The following TMIGD2 variants were observed in gnomAD, a reference collection of about 807,000 sequenced individuals.
TMIGD2 encodes the protein transmembrane and immunoglobulin domain-containing protein 2.
TMIGD2 carries 18 observed loss-of-function variants against 22.6 expected under a neutral mutation model. The observed-to-expected ratio is 0.80, with a 90% CI of 0.55 to 1.18. The LOEUF (loss-of-function observed/expected upper bound fraction) is 1.18, where lower values mean the gene tolerates loss of function less well. TMIGD2 is among the 50% of genes most tolerant of loss of function. TMIGD2 has a pLI of 0.00. For synonymous variants in TMIGD2, 184 were observed against 154.1 expected, an observed-to-expected ratio of 1.19 and a Z score of -1.44; for missense variants, 361 against 378.2, an observed-to-expected ratio of 0.95 and a Z score of 0.38.
intron 1 of TMIGD2, 139 bp from the exon 2 acceptor site, chr19:4,298,484 C>G (rs1971494087): frequency 1.5e-6 from 2 of 1,323,178 alleles, no homozygotes; most frequent in Non-Finnish European, 9.9e-7. Context: ...CGCCTGTAGT[C>G]CCAGCACTTT....
Position 4,294,624 on chromosome 19 carries a change from CCCACACGATCGCAG to C in TMIGD2, c.491_504del (p.Ala164GlyfsTer17). On this transcript the variant is annotated frameshift_variant, in exon 4 of 5. Coordinates refer to ENST00000301272, the Ensembl canonical transcript of TMIGD2. LOFTEE classifies it high-confidence loss of function. ...CTGCGGCGGCCCCAGAACCAGGCAC[CCCACACGATCGCAG>C]CCACACCCATGCTTCCCACCCCCAG... 1 of 1,609,430 alleles carries C rather than the reference CCCACACGATCGCAG, an allele frequency of 6.2e-7. No homozygotes were observed. The highest frequency in any genetic ancestry group is 2.2e-5 in the East Asian group (1 of 44,464).
chr19:4,292,945 A>T, intron 4 of TMIGD2, 60 bp from the exon 5 acceptor site: 3 of 1,572,850 alleles, frequency 1.9e-6, no homozygotes, highest in Non-Finnish European at 2.6e-6. Context: ...TCTCCAGCTG[A>T]CCTCTGGGGG....
exon 4 of TMIGD2, chr19:4,294,639 C>T (rs758822262): frequency 1.2e-6 from 2 of 1,605,608 alleles, no homozygotes; most frequent in Non-Finnish European, 1.7e-6. Flanking sequence ...ACGATCGCAG[C>T]CACACCCATG....
intron 4 of TMIGD2, among the ~76,000 whole-genome samples, chr19:4,293,835 C>T (rs1971420396): frequency 6.6e-6 from 1 of 152,014 alleles, no homozygotes; most frequent in South Asian, 2.1e-4. Flanking sequence ...AGTCTGGGCT[C>T]ACTGCAATCT....
intron 2 of TMIGD2, among the ~76,000 whole-genome samples, chr19:4,296,305 A>G (rs1049273492): frequency 6.6e-6 from 1 of 152,220 alleles, no homozygotes; most frequent in African/African-American, 2.4e-5. Flanking sequence ...AGCAGAGGGA[A>G]CTGGCACAGA....
At chr19:4,300,578 A>G (rs531019375) in intron 1 of TMIGD2, among the ~76,000 whole-genome samples, 1 of 152,244 alleles carries the variant, frequency 6.6e-6, no homozygotes, top group South Asian at 2.1e-4. Context: ...AAAACAAAAC[A>G]TTCCTGGGCT....
At chr19:4,298,640 G>A (rs1971496090) in intron 1 of TMIGD2, among the ~76,000 whole-genome samples, 1 of 152,014 alleles carries the variant, frequency 6.6e-6, no homozygotes, top group Non-Finnish European at 1.5e-5. Context: ...AAGAGACTAA[G>A]TGAAGGGATC....
exon 2 of TMIGD2, chr19:4,298,207 T>C: frequency 2.5e-6 from 4 of 1,613,192 alleles, no homozygotes; most frequent in Non-Finnish European, 3.4e-6. Context: ...GATGGCCCCA[T>C]CCTTTGTCCA....
intron 2 of TMIGD2, among the ~76,000 whole-genome samples, chr19:4,295,770 T>C (rs988867243): frequency 2.0e-5 from 3 of 152,034 alleles, no homozygotes; most frequent in Non-Finnish European, 4.4e-5. Flanking sequence ...TCAGAGAGCC[T>C]AAGTCACTTG....
intron 1 of TMIGD2, 83 bp downstream of exon 1, chr19:4,302,257 A>G: frequency 1.4e-6 from 2 of 1,426,996 alleles, no homozygotes; most frequent in Non-Finnish European, 1.9e-6. Flanking sequence ...ACTGAAGTTT[A>G]GAGGGGCCCT....
At chr19:4,292,932 C>T in intron 4 of TMIGD2, 47 bp from the exon 5 acceptor site, 10 of 1,601,484 alleles carry the variant, frequency 6.2e-6, no homozygotes, top group Non-Finnish European at 8.5e-6. Flanking sequence ...GAGAGTCCTG[C>T]CCTCTCCAGC....
At chr19:4,293,561 ATT>A (rs548398108) in intron 4 of TMIGD2, among the ~76,000 whole-genome samples, 3 of 142,074 alleles carry the variant, frequency 2.1e-5, no homozygotes, top group African/African-American at 2.6e-5. Flanking sequence ...CACCCGGCCA[ATT>A]TTTTTTTTTT....
At chr19:4,292,306 G>A in exon 5 of TMIGD2, 1 of 389,048 alleles carries the variant, frequency 2.6e-6, no homozygotes, top group Non-Finnish European at 4.7e-6. Flanking sequence ...AATGAGGACG[G>A]GGTCTCAGGA....
At chr19:4,297,836 G>T (rs112566570) in intron 2 of TMIGD2, 150 bp downstream of exon 2, 1 of 1,147,142 alleles carries the variant, frequency 8.7e-7, no homozygotes, top group Non-Finnish European at 1.2e-6. Context: ...AGGCCTGGAC[G>T]ACAGAGCAAG....
intron 1 of TMIGD2, among the ~76,000 whole-genome samples, chr19:4,300,032 G>A (rs187871460): frequency 1.1e-3 from 165 of 150,692 alleles, no homozygotes; most frequent in African/African-American, 3.8e-3. Context: ...AGGCCGAGGC[G>A]GGTGGATCAC....
At chr19:4,300,501 G>A (rs1000769317) in intron 1 of TMIGD2, among the ~76,000 whole-genome samples, 2 of 152,132 alleles carry the variant, frequency 1.3e-5, no homozygotes, top group Non-Finnish European at 2.9e-5. Context: ...AGGTTGCAGT[G>A]AGCTGAGATC....
chr19:4,296,450 C>T (rs1272400353), intron 2 of TMIGD2, among the ~76,000 whole-genome samples: 1 of 152,168 alleles, frequency 6.6e-6, no homozygotes, highest in Non-Finnish European at 1.5e-5. Context: ...CACCCCAACC[C>T]CCTTCTTTTG....
chr19:4,297,228 C>G (rs997987414), intron 2 of TMIGD2, among the ~76,000 whole-genome samples: 35 of 151,896 alleles, frequency 2.3e-4, no homozygotes, highest in Non-Finnish European at 5.9e-5. Flanking sequence ...CCACCATGCC[C>G]AGCTACTTTT....
rs865981808 is a variant in TMIGD2 at position 4,292,990 on chromosome 19, G to A, written c.563-105C>T. ...TTTTTTTTTTTTTCTGTGAGACGGAGTCTCACTCTGTCGCCCAGGCTGGAG... is the reference window on the plus strand; with the variant it reads ...TTTTTTTTTTTTTCTGTGAGACGGAATCTCACTCTGTCGCCCAGGCTGGAG... On this transcript the variant is annotated intron_variant, in intron 4 of 4. Transcript: ENST00000301272. The A allele has an allele frequency of 9.9e-6, 15 of 1,519,270 alleles. No individual in the cohort carries two copies. In the African/African-American group the frequency reaches 1.3e-4, roughly 13 times the overall value. 94.1% of individuals were successfully genotyped at this position (1,519,270 alleles called of 1,614,324 possible).
Sources: gnomAD v4.1 joint callset for allele counts (sites outside exome capture counted in the v4.1 genomes callset) on GRCh38, gnomAD v4.1.1 for gene constraint, MANE v1.5 for transcripts, NCBI Gene and HGNC (gene_info 2026-07-23, HGNC 2026-07-21) for gene names.